SCN2A: variants seen among roughly 807,000 people sequenced by gnomAD.
SCN2A encodes sodium channel protein type 2 subunit alpha.
In SCN2A, 20 loss-of-function variants were observed where a neutral mutation model predicts 188.7. That is an observed-to-expected ratio of 0.11 (90% CI 0.07 to 0.15). The LOEUF is 0.15. Ranked by LOEUF, SCN2A falls within the 10% of genes least tolerant of loss-of-function variation. The pLI, the probability that SCN2A is intolerant of heterozygous loss-of-function variation, is 1.00. For missense variants in SCN2A, 1,278 were observed against 2,445.0 expected, an observed-to-expected ratio of 0.52 and a Z score of 10.07; for synonymous variants, 804 against 833.1, an observed-to-expected ratio of 0.97 and a Z score of 0.60.
intron 1 of SCN2A, among the ~76,000 whole-genome samples, chr2:165,251,265 G>T (rs192195656): frequency 1.6e-4 from 24 of 152,112 alleles, no homozygotes; most frequent in Non-Finnish European, 2.9e-4. Flanking sequence ...AAGTATTTGT[G>T]ATGTTCTAAT....
chr2:165,370,411 A>G, intron 20 of SCN2A, 112 bp downstream of exon 20: 1 of 1,085,920 alleles, frequency 9.2e-7, no homozygotes, highest in Non-Finnish European at 1.4e-6. Context: ...CCAAATATAA[A>G]TTATGTTTCT....
chr2:165,304,780 G>A (rs1697025800), intron 3 of SCN2A, among the ~76,000 whole-genome samples: 1 of 152,116 alleles, frequency 6.6e-6, no homozygotes, highest in African/African-American at 2.4e-5. Context: ...TATCCAAATG[G>A]GGATAATGCA....
At chr2:165,310,284 G>A (rs766201073) in intron 6 of SCN2A, 39 bp from the exon 7 acceptor site, 5 of 1,609,154 alleles carry the variant, frequency 3.1e-6, no homozygotes, top group South Asian at 1.1e-5. Context: ...TAGCTGTTGA[G>A]TAGTATATTT....
At chr2:165,263,716 G>T (rs1464363831) in intron 1 of SCN2A, among the ~76,000 whole-genome samples, 2 of 151,876 alleles carry the variant, frequency 1.3e-5, no homozygotes, top group Admixed American at 1.3e-4. Context: ...ATTTTCATAT[G>T]AATTTTAAGA....
Position 165,297,051 on chromosome 2 carries a change from C to T in SCN2A, c.302C>T (p.Ser101Phe). Residue 101 changes from serine to phenylalanine, a missense_variant, in exon 3 of 27, where the codon TCT becomes TTT. Coordinates refer to ENST00000375437, the MANE Select transcript of SCN2A (RefSeq NM_001040142.2). Reference sequence around the variant, plus strand: ...GTATTGAATAAAGGGAAAGCAATCTCTCGATTCAGTGCCACCCCTGCCCTT... The same window carrying T: ...GTATTGAATAAAGGGAAAGCAATCTTTCGATTCAGTGCCACCCCTGCCCTT... ...FIVLNKGKAI[S>F]RFSATPALYI... 6.2e-7 allele frequency: 1 copy of T among 1,610,884 alleles called. No homozygotes were observed. The highest frequency in any genetic ancestry group is 8.5e-7 in the Non-Finnish European group (1 of 1,177,646).
intron 16 of SCN2A, among the ~76,000 whole-genome samples, chr2:165,351,871 G>GTTT (rs3030633): frequency 9.2e-4 from 125 of 135,834 alleles, no homozygotes; most frequent in Middle Eastern, 8.5e-3. Context: ...AGCTGTGCTT[G>GTTT]TTTTTTTTTT....
intron 1 of SCN2A, among the ~76,000 whole-genome samples, chr2:165,284,510 A>C (rs1018075052): frequency 3.9e-5 from 6 of 152,062 alleles, no homozygotes; most frequent in African/African-American, 1.4e-4. Flanking sequence ...TCCTGGCTCT[A>C]CCTGCTCATT....
chr2:165,367,896 G>A (rs1301354850), intron 19 of SCN2A, among the ~76,000 whole-genome samples: 1 of 152,178 alleles, frequency 6.6e-6, no homozygotes, highest in Non-Finnish European at 1.5e-5. Context: ...GCGTCTAGGG[G>A]AGGGTGCCTG....
Position 165,295,846 on chromosome 2 carries a change from C to T in SCN2A, c.23C>T (p.Pro8Leu), listed in dbSNP as rs747139785. 9 of 1,613,948 alleles carry T rather than the reference C, an allele frequency of 5.6e-6. No individual in the cohort carries two copies. The highest frequency in any genetic ancestry group is 2.2e-5 in the East Asian group (1 of 44,898). Residue 8 changes from proline to leucine, a missense_variant, in exon 2 of 27, where the codon CCG becomes CTG. Coordinates refer to ENST00000375437, the MANE Select transcript of SCN2A (RefSeq NM_001040142.2). ...AAGATGGCACAGTCAGTGCTGGTACCGCCAGGACCTGACAGCTTCCGCTTC... is the reference window on the plus strand; with the variant it reads ...AAGATGGCACAGTCAGTGCTGGTACTGCCAGGACCTGACAGCTTCCGCTTC... Reference protein sequence around the residue: MAQSVLVPPGPDSFRFFT... With the variant: MAQSVLVLPGPDSFRFFT...
At chr2:165,278,941 G>A (rs987459942) in intron 1 of SCN2A, among the ~76,000 whole-genome samples, 4 of 151,810 alleles carry the variant, frequency 2.6e-5, no homozygotes, top group Admixed American at 6.6e-5. Flanking sequence ...AAGAGAGAAC[G>A]AGAAAAGAAA....
At chr2:165,246,522 C>G (rs911225082) in intron 1 of SCN2A, among the ~76,000 whole-genome samples, 2 of 152,076 alleles carry the variant, frequency 1.3e-5, no homozygotes, top group South Asian at 4.2e-4. Flanking sequence ...TCCCACCAGG[C>G]CTCTAAATCA....
intron 1 of SCN2A, among the ~76,000 whole-genome samples, chr2:165,294,876 G>T (rs749550100): frequency 6.6e-6 from 1 of 152,062 alleles, no homozygotes; most frequent in Non-Finnish European, 1.5e-5. Context: ...ATAAACTATC[G>T]TAAACTTATT....
At chr2:165,254,876 A>G (rs1170602557) in intron 1 of SCN2A, among the ~76,000 whole-genome samples, 1 of 151,818 alleles carries the variant, frequency 6.6e-6, no homozygotes, top group East Asian at 1.9e-4. Context: ...TACAAGTACA[A>G]AATTACCTTA....
rs1464979978 is a variant in SCN2A, at chr2:165,344,633, C to T, written c.2641C>T (p.Leu881=). Reference sequence around the variant, plus strand: ...GATCATTGGCAATTCTGTGGGGGCTCTAGGAAACCTCACCTTGGTATTGGC... The same window carrying T: ...GATCATTGGCAATTCTGTGGGGGCTTTAGGAAACCTCACCTTGGTATTGGC... ...IKIIGNSVGA[L]GNLTLVLAII... The change falls in exon 16 of 27, where the codon CTA becomes TTA. Residue 881 remains leucine, a synonymous_variant. Coordinates refer to ENST00000375437, the MANE Select transcript of SCN2A (RefSeq NM_001040142.2). The T allele has an allele frequency of 1.2e-6, 2 of 1,613,990 alleles. No homozygotes were observed. The highest frequency in any genetic ancestry group is 2.7e-5 in the African/African-American group (2 of 74,902).
At chr2:165,367,014 A>G (rs980232928) in intron 18 of SCN2A, among the ~76,000 whole-genome samples, 4 of 152,196 alleles carry the variant, frequency 2.6e-5, no homozygotes, top group South Asian at 2.1e-4. Flanking sequence ...TGCTATAAAC[A>G]TAAAAATAAA....
intron 1 of SCN2A, among the ~76,000 whole-genome samples, chr2:165,292,868 A>T (rs67885215): frequency 0.26 from 39,440 of 152,116 alleles, 5,291 homozygotes; most frequent in African/African-American, 0.28. Context: ...TGTGTGGAGG[A>T]TGAAATAATA....
chr2:165,350,464 CTTTTTTT>C (rs71028479), intron 16 of SCN2A, among the ~76,000 whole-genome samples: 2 of 73,846 alleles, frequency 2.7e-5, no homozygotes, highest in South Asian at 4.4e-4. Flanking sequence ...TGTTTTCTTT[CTTTTTTT>C]TTTTTTTTTT....
chr2:165,336,518 G>C (rs189746360), intron 14 of SCN2A, among the ~76,000 whole-genome samples: 5 of 152,046 alleles, frequency 3.3e-5, no homozygotes, highest in African/African-American at 1.2e-4. Flanking sequence ...TATATGAAAT[G>C]TTCATAACAG....
chr2:165,373,353 A>T lies in SCN2A; in HGVS notation c.3972+6A>T. On this transcript the variant is annotated splice_donor_region_variant and intron_variant, in intron 21 of 26. Coordinates refer to ENST00000375437, the MANE Select transcript of SCN2A (RefSeq NM_001040142.2). ...CCCGGTTTGAAGGAATGAGGGTAAG[A>T]CTGAATGCCTTAGAGTTTGTCAGAA... The T allele has an allele frequency of 6.2e-7, 1 of 1,613,038 alleles. No homozygotes were observed. The highest frequency in any genetic ancestry group is 8.5e-7 in the Non-Finnish European group (1 of 1,179,244).
Sources: allele counts gnomAD v4.1 joint callset (sites outside exome capture counted in the v4.1 genomes callset), GRCh38; gene constraint gnomAD v4.1.1; transcripts MANE v1.5; gene names NCBI Gene and HGNC (gene_info 2026-07-23, HGNC 2026-07-21).